INSYN2B: variants seen among roughly 807,000 people sequenced by gnomAD.
The protein encoded by INSYN2B is protein INSYN2B.
In INSYN2B, 16 loss-of-function variants were observed where a neutral mutation model predicts 41.2. The ratio of observed to expected loss-of-function variants is 0.39; its 90% CI spans 0.26 to 0.59. INSYN2B has a LOEUF of 0.59. INSYN2B is among the 20% of genes least tolerant of loss of function. The pLI is 0.57. For synonymous variants in INSYN2B, 245 were observed against 244.4 expected (o/e 1.00, Z -0.02); for missense variants, 608 against 646.4 (o/e 0.94, Z 0.64).
At chr5:169,955,219 C>A (rs1287864505) in intron 1 of INSYN2B, among the ~76,000 whole-genome samples, 2 of 152,172 alleles carry the variant, frequency 1.3e-5, no homozygotes, top group African/African-American at 4.8e-5. Context: ...AGTGGTCCTG[C>A]AGGAGAAGGG....
chr5:169,893,629 T>C (rs1773423186), intron 1 of INSYN2B, among the ~76,000 whole-genome samples: 1 of 152,176 alleles, frequency 6.6e-6, no homozygotes, highest in Non-Finnish European at 1.5e-5. Flanking sequence ...GCTCTGTGTG[T>C]CAGATGGAAG....
At chr5:169,965,332 G>A (rs1777257875) in intron 1 of INSYN2B, among the ~76,000 whole-genome samples, 1 of 152,188 alleles carries the variant, frequency 6.6e-6, no homozygotes, top group African/African-American at 2.4e-5. Context: ...TGATGCTAAT[G>A]CTGCTGGTCC....
intron 1 of INSYN2B, among the ~76,000 whole-genome samples, chr5:169,931,869 G>T (rs1775773274): frequency 6.6e-6 from 1 of 152,180 alleles, no homozygotes; most frequent in South Asian, 2.1e-4. Context: ...CCTCCTGCCT[G>T]CCCTTCTCTA....
chr5:169,923,373 G>A (rs945858606), intron 1 of INSYN2B, among the ~76,000 whole-genome samples: 7 of 152,086 alleles, frequency 4.6e-5, no homozygotes, highest in Non-Finnish European at 7.3e-5. Context: ...AGGGGCATAC[G>A]CAGAAAACAC....
At chr5:169,897,411 G>A (rs1338854915) in intron 1 of INSYN2B, among the ~76,000 whole-genome samples, 2 of 152,024 alleles carry the variant, frequency 1.3e-5, no homozygotes, top group Admixed American at 6.6e-5. Flanking sequence ...GGATGGTCTC[G>A]ATCTCCTAAC....
chr5:169,953,248 A>G (rs972732946), intron 1 of INSYN2B, among the ~76,000 whole-genome samples: 2 of 151,430 alleles, frequency 1.3e-5, no homozygotes, highest in Admixed American at 1.3e-4. Flanking sequence ...CAGGAGAATC[A>G]CTTGAACCCA....
chr5:169,887,800 T>C (rs1773056895), intron 1 of INSYN2B, among the ~76,000 whole-genome samples: 1 of 152,234 alleles, frequency 6.6e-6, no homozygotes, highest in Admixed American at 6.5e-5. Flanking sequence ...GATACTACCA[T>C]GTTACCACTC....
At chr5:169,970,886 G>C (rs1170891592) in intron 1 of INSYN2B, among the ~76,000 whole-genome samples, 1 of 152,110 alleles carries the variant, frequency 6.6e-6, no homozygotes, top group African/African-American at 2.4e-5. Flanking sequence ...CTTTAATTGA[G>C]TGTGGATCCG....
chr5:169,966,276 C>G (rs1490680635), intron 1 of INSYN2B, among the ~76,000 whole-genome samples: 1 of 151,878 alleles, frequency 6.6e-6, no homozygotes, highest in African/African-American at 2.4e-5. Flanking sequence ...CAAATGTGTA[C>G]AGTAAGATTA....
chr5:169,922,301 C>T (rs1775218377), intron 1 of INSYN2B, among the ~76,000 whole-genome samples: 3 of 152,074 alleles, frequency 2.0e-5, no homozygotes, highest in African/African-American at 7.2e-5. Flanking sequence ...GAAGATGAGC[C>T]CTAATTTATG....
intron 1 of INSYN2B, among the ~76,000 whole-genome samples, chr5:169,927,783 A>T (rs1775543507): frequency 6.6e-6 from 1 of 152,016 alleles, no homozygotes; most frequent in South Asian, 2.1e-4. Context: ...CGCCTGGCTA[A>T]TTTTTTGTAT....
intron 1 of INSYN2B, among the ~76,000 whole-genome samples, chr5:169,974,049 A>T (rs549735215): frequency 6.6e-6 from 1 of 152,316 alleles, no homozygotes; most frequent in South Asian, 2.1e-4. Flanking sequence ...CTTTTGAGGT[A>T]TGGCTTAATT....
intron 1 of INSYN2B, among the ~76,000 whole-genome samples, chr5:169,900,574 T>C (rs1303600308): frequency 6.6e-6 from 1 of 152,204 alleles, no homozygotes; most frequent in Non-Finnish European, 1.5e-5. Flanking sequence ...CAAACCTAAA[T>C]GTCGAGTCTC....
intron 1 of INSYN2B, among the ~76,000 whole-genome samples, chr5:169,955,259 C>T (rs1420183551): frequency 6.6e-6 from 1 of 152,152 alleles, no homozygotes; most frequent in African/African-American, 2.4e-5. Flanking sequence ...CCACACAGGA[C>T]AGAAGGGCAT....
At chr5:169,973,092 G>A (rs757730229) in intron 1 of INSYN2B, among the ~76,000 whole-genome samples, 39 of 152,306 alleles carry the variant, frequency 2.6e-4, no homozygotes, top group Admixed American at 2.2e-3. Context: ...GAAGGAAAAC[G>A]AGGTAAACTG....
chr5:169,967,630 A>T (rs995502225), intron 1 of INSYN2B, among the ~76,000 whole-genome samples: 2 of 152,158 alleles, frequency 1.3e-5, no homozygotes, highest in Admixed American at 1.3e-4. Context: ...TAGGATTGAG[A>T]TTTAGTCTCA....
Position 169,864,275 on chromosome 5 carries a change from A to G in INSYN2B, c.1606T>C (p.Ter536ArgextTer16). 1 of 1,551,558 alleles carries G rather than the reference A, an allele frequency of 6.4e-7. No homozygotes were observed. Among genetic ancestry groups the G allele is most frequent in the Non-Finnish European group, 8.7e-7 (1 of 1,146,876 alleles). ...GCTGGGGGATGGTCCCAACCAGCTC[A>G]GATCCACCAGAAGCATTTCTTTTTC... ...KVKKKCFWWI* is the reference protein window; with the variant it reads ...KVKKKCFWWIR The change falls in exon 4 of 4, where the codon TGA becomes CGA. Residue 536 changes from the stop codon to arginine (R), a stop_lost. Transcript: ENST00000377365.
At chr5:169,894,703 G>A (rs1272330036) in intron 1 of INSYN2B, among the ~76,000 whole-genome samples, 1 of 152,190 alleles carries the variant, frequency 6.6e-6, no homozygotes, top group Non-Finnish European at 1.5e-5. Context: ...GTGCCCAGCA[G>A]CATGTGCAAC....
At chr5:169,878,108 G>A (rs1274699717) in intron 3 of INSYN2B, among the ~76,000 whole-genome samples, 1 of 152,170 alleles carries the variant, frequency 6.6e-6, no homozygotes, top group Non-Finnish European at 1.5e-5. Flanking sequence ...ACTATTTTTA[G>A]CATAAACATA....
Sources: gnomAD v4.1 joint callset for allele counts (sites outside exome capture counted in the v4.1 genomes callset) on GRCh38, gnomAD v4.1.1 for gene constraint, MANE v1.5 for transcripts, NCBI Gene and HGNC (gene_info 2026-07-23, HGNC 2026-07-21) for gene names.